Variants in DMXL2 observed in about 807,000 individuals in gnomAD.
The protein encoded by DMXL2 is Dmx like 2.
Under a neutral mutation model 331.1 loss-of-function variants are expected in DMXL2, and 103 were observed. The ratio of observed to expected loss-of-function variants is 0.31; its 90% confidence interval spans 0.27 to 0.37. The LOEUF is 0.37. DMXL2 is among the 10% of genes least tolerant of loss of function. DMXL2 has a pLI of 1.00. For synonymous variants in DMXL2, 1,281 were observed against 1,252.1 expected (o/e 1.02, Z -0.49); for missense variants, 3,171 against 3,642.9 (o/e 0.87, Z 3.33).
intron 32 of DMXL2, 72 bp downstream of exon 32, chr15:51,464,603 G>T: frequency 7.8e-7 from 1 of 1,273,944 alleles, no homozygotes; most frequent in Non-Finnish European, 1.1e-6. Flanking sequence ...AAGTATATTG[G>T]CATATTTAGC....
At chr15:51,495,259 C>A in intron 18 of DMXL2, 125 bp from the exon 19 acceptor site, 1 of 523,560 alleles carries the variant, frequency 1.9e-6, no homozygotes. Context: ...TTAGTGTATT[C>A]CTTCCTGAAC....
At chr15:51,500,261 G>A in intron 17 of DMXL2, 30 bp from the exon 18 acceptor site, 1 of 1,543,808 alleles carries the variant, frequency 6.5e-7, no homozygotes, top group Non-Finnish European at 8.7e-7. Flanking sequence ...ATAGTTAGTT[G>A]TAATAATAAT....
At chr15:51,608,737 T>C (rs1359385624) in intron 1 of DMXL2, among the ~76,000 whole-genome samples, 5 of 149,804 alleles carry the variant, frequency 3.3e-5, no homozygotes, top group African/African-American at 4.9e-5. Context: ...CATGTACCCC[T>C]GAAACTAAAA....
chr15:51,576,593 T>C (rs1355694383), intron 1 of DMXL2, among the ~76,000 whole-genome samples: 1 of 152,094 alleles, frequency 6.6e-6, no homozygotes, highest in Non-Finnish European at 1.5e-5. Flanking sequence ...TTAAGAAATA[T>C]CAAGATAGAA....
At chr15:51,466,904 A>AT (rs975631875) in intron 29 of DMXL2, among the ~76,000 whole-genome samples, 4 of 151,658 alleles carry the variant, frequency 2.6e-5, no homozygotes, top group South Asian at 2.1e-4. Flanking sequence ...AAAAAATCCC[A>AT]TTTTTTTTAG....
At chr15:51,514,760 T>C (rs2046938914) in intron 14 of DMXL2, among the ~76,000 whole-genome samples, 1 of 148,044 alleles carries the variant, frequency 6.8e-6, no homozygotes, top group Non-Finnish European at 1.5e-5. Flanking sequence ...CTTTCAAAAA[T>C]GTCACAGCCA....
At chr15:51,478,665 T>C (rs934318287) in intron 25 of DMXL2, among the ~76,000 whole-genome samples, 9 of 152,136 alleles carry the variant, frequency 5.9e-5, no homozygotes, top group African/African-American at 1.2e-4. Context: ...TTAGCTTAAA[T>C]AGTAATATTT....
Position 51,449,194 on chromosome 15 carries a change from C to T in DMXL2, c.8968-1G>A. The T allele has an allele frequency of 6.2e-7, 1 of 1,613,852 alleles. No homozygotes were observed. On this transcript the variant is annotated splice_acceptor_variant, in intron 43 of 43. Coordinates refer to ENST00000560891, the MANE Select transcript of DMXL2 (RefSeq NM_001378457.1). LOFTEE classifies it high-confidence loss of function. ...GGCCATGGCCTGTCAATCTCCAAAC[C>T]TAGTGCAAAACAAAAGGAGTTAAAA...
chr15:51,482,536 G>A (rs1275239722), intron 23 of DMXL2, among the ~76,000 whole-genome samples: 1 of 152,144 alleles, frequency 6.6e-6, no homozygotes, highest in Non-Finnish European at 1.5e-5. Context: ...TAGAAATTAT[G>A]ACAAGATTAG....
At chr15:51,505,583 G>A (rs1442805863) in intron 16 of DMXL2, among the ~76,000 whole-genome samples, 1 of 152,154 alleles carries the variant, frequency 6.6e-6, no homozygotes, top group Non-Finnish European at 1.5e-5. Flanking sequence ...ATAATGCAAA[G>A]AATTAACTCC....
chr15:51,594,900 G>C (rs2052675243), intron 1 of DMXL2, among the ~76,000 whole-genome samples: 1 of 152,186 alleles, frequency 6.6e-6, no homozygotes, highest in African/African-American at 2.4e-5. Flanking sequence ...ATTAGGTATT[G>C]ATGGGTTGTA....
At chr15:51,567,075 C>T (rs1356281062) in intron 3 of DMXL2, 1 of 125,632 alleles carries the variant, frequency 8.0e-6, no homozygotes, top group South Asian at 2.5e-4. Flanking sequence ...TGGAGTCTTG[C>T]TCTGACTCCC....
chr15:51,464,034 A>G (rs1166777913), intron 32 of DMXL2, among the ~76,000 whole-genome samples: 1 of 152,220 alleles, frequency 6.6e-6, no homozygotes, highest in Non-Finnish European at 1.5e-5. Context: ...CTGTTAAATT[A>G]CTGACAAAAG....
chr15:51,621,272 T>C (rs2054608715), intron 1 of DMXL2, among the ~76,000 whole-genome samples: 3 of 152,210 alleles, frequency 2.0e-5, no homozygotes, highest in Admixed American at 2.0e-4. Flanking sequence ...GGTTAATGTA[T>C]CACAAAACGT....
chr15:51,538,494 C>A, intron 9 of DMXL2, 42 bp from the exon 10 acceptor site: 2 of 1,465,454 alleles, frequency 1.4e-6, no homozygotes, highest in Non-Finnish European at 1.8e-6. Context: ...TTTTTTATTT[C>A]TTTAAAAACA....
intron 29 of DMXL2, among the ~76,000 whole-genome samples, chr15:51,468,289 T>G (rs1014342284): frequency 6.6e-6 from 1 of 152,132 alleles, no homozygotes; most frequent in Non-Finnish European, 1.5e-5. Context: ...GCAGGAAATA[T>G]ACATGATTAG....
Position 51,471,208 on chromosome 15 carries a change from C to T in DMXL2, c.7392+15G>A. ...ATAGACTTCTCTTAAAGCTTGCATT[C>T]CTCACACTCCTTACCTTTGCAACAA... On this transcript the variant is annotated intron_variant, in intron 29 of 43. Transcript: ENST00000560891. The T allele has an allele frequency of 1.2e-6, 2 of 1,605,196 alleles. No individual in the cohort carries two copies. The highest frequency in any genetic ancestry group is 2.7e-5 in the African/African-American group (2 of 74,750).
intron 41 of DMXL2, 65 bp downstream of exon 41, chr15:51,453,485 T>C (rs1208066253): frequency 3.2e-6 from 4 of 1,236,446 alleles, no homozygotes; most frequent in Non-Finnish European, 2.2e-6. Flanking sequence ...TAGAAAAGTA[T>C]TCTTGCTAAA....
intron 2 of DMXL2, among the ~76,000 whole-genome samples, chr15:51,571,848 T>C (rs971472343): frequency 6.6e-6 from 1 of 151,986 alleles, no homozygotes; most frequent in East Asian, 1.9e-4. Flanking sequence ...AGATCTAAAA[T>C]TGACACCCTA....
Sources: gnomAD v4.1 joint callset for allele counts (sites outside exome capture counted in the v4.1 genomes callset) on GRCh38, gnomAD v4.1.1 for gene constraint, MANE v1.5 for transcripts, NCBI Gene and HGNC (gene_info 2026-07-23, HGNC 2026-07-21) for gene names.